The following FOCAD variants were observed in gnomAD, a reference collection of about 807,000 sequenced individuals.
FOCAD encodes KIAA1797.
Under a neutral mutation model 225.6 loss-of-function variants are expected in FOCAD, and 198 were observed. That is an observed-to-expected ratio of 0.88 (90% CI 0.78 to 0.99). The LOEUF is 0.99. Ranked by LOEUF, FOCAD falls within the 50% of genes least tolerant of loss-of-function variation. The pLI, the probability that FOCAD is intolerant of heterozygous loss-of-function variation, is 0.00. For missense variants in FOCAD, 2,713 were observed against 2,123.6 expected (o/e 1.28, Z -5.46); for synonymous variants, 897 against 755.0 (o/e 1.19, Z -3.08).
At chr9:20,763,948 C>T (rs998933328) in intron 6 of FOCAD, among the ~76,000 whole-genome samples, 1 of 152,094 alleles carries the variant, frequency 6.6e-6, no homozygotes, top group Non-Finnish European at 1.5e-5. Context: ...TTAAGAAGAC[C>T]TTGACAAATT....
intron 1 of FOCAD, among the ~76,000 whole-genome samples, chr9:20,714,391 T>C (rs1825128894): frequency 6.6e-6 from 1 of 152,180 alleles, no homozygotes; most frequent in Non-Finnish European, 1.5e-5. Flanking sequence ...TTTTTCTGCT[T>C]GTTATAAGTT....
chr9:20,995,950 A>G lies in FOCAD; in HGVS notation c.*321A>G, dbSNP rs536778665. On this transcript the variant is annotated 3_prime_UTR_variant, in exon 44 of 44. Coordinates refer to ENST00000338382, the MANE Select transcript of FOCAD (RefSeq NM_001375567.1). Reference sequence around the variant, plus strand: ...AAATTCCAGTAAAATAATGTTGTCAATTTTGTGCGTGTGACTTTTGTTTTA... The same window carrying G: ...AAATTCCAGTAAAATAATGTTGTCAGTTTTGTGCGTGTGACTTTTGTTTTA... 45 of 175,602 alleles carry G rather than the reference A, an allele frequency of 2.6e-4. No individual in the cohort carries two copies. Among genetic ancestry groups the G allele is most frequent in the Middle Eastern group, 2.3e-3 (1 of 432 alleles). The allele number at this position is 175,602 out of a possible 1,614,324, so 10.9% of individuals were successfully genotyped here.
intron 4 of FOCAD, among the ~76,000 whole-genome samples, chr9:20,723,575 G>A (rs1200428950): frequency 6.6e-6 from 1 of 152,170 alleles, no homozygotes; most frequent in Non-Finnish European, 1.5e-5. Flanking sequence ...TCCTATCCCA[G>A]TATCTGTGTT....
intron 30 of FOCAD, among the ~76,000 whole-genome samples, chr9:20,947,844 T>C (rs1837326551): frequency 1.3e-5 from 2 of 152,156 alleles, no homozygotes; most frequent in Admixed American, 6.5e-5. Context: ...ACCCGCTCAC[T>C]TACATTCAGA....
chr9:20,727,591 C>T (rs917842696), intron 4 of FOCAD, among the ~76,000 whole-genome samples: 2 of 151,886 alleles, frequency 1.3e-5, no homozygotes, highest in African/African-American at 4.8e-5. Context: ...TTATTTTGTC[C>T]GTGTCTTCTT....
intron 28 of FOCAD, among the ~76,000 whole-genome samples, chr9:20,940,647 G>T (rs1192245220): frequency 6.6e-6 from 1 of 152,116 alleles, no homozygotes; most frequent in African/African-American, 2.4e-5. Flanking sequence ...ACTGAGCTAG[G>T]CATTTTCACA....
At chr9:20,957,748 C>T (rs1267285266) in intron 35 of FOCAD, 2 of 134,570 alleles carry the variant, frequency 1.5e-5, no homozygotes, top group African/African-American at 5.6e-5. Flanking sequence ...GAACTCCTGG[C>T]CTCAAGTTAT....
intron 31 of FOCAD, 69 bp downstream of exon 31, chr9:20,948,462 T>G: frequency 6.5e-7 from 1 of 1,530,028 alleles, no homozygotes; most frequent in East Asian, 2.3e-5. Context: ...ATTGGATCAT[T>G]TATAGGAGTT....
rs146838180 is a variant in FOCAD at position 20,980,146 on chromosome 9, A to T, written c.4378-1280A>T. 8.6e-3 allele frequency among the ~76,000 whole-genome samples: 1,304 copies of T among 151,536 alleles called. 8 individuals carry two copies. The highest frequency in any genetic ancestry group is 0.015 in the Non-Finnish European group (1,008 of 67,844). On this transcript the variant is annotated intron_variant, in intron 37 of 43. Transcript: ENST00000338382. The stretch of plus-strand genomic sequence containing the variant: ...TTTATATAAATTATATATAAATTTC[A>T]TATAAATTTTTGAAATTCTTTAGAA...
intron 15 of FOCAD, among the ~76,000 whole-genome samples, chr9:20,860,843 G>GT (rs1183729406): frequency 6.6e-6 from 1 of 152,128 alleles, no homozygotes; most frequent in African/African-American, 2.4e-5. Context: ...CTTTTAAATT[G>GT]TTTTGTATTT....
intron 26 of FOCAD, among the ~76,000 whole-genome samples, chr9:20,928,211 C>T (rs1835140947): frequency 6.6e-6 from 1 of 152,108 alleles, no homozygotes; most frequent in African/African-American, 2.4e-5. Context: ...CTTTACTAGT[C>T]AGCTCTGATT....
chr9:20,815,123 G>GGTTTTTTT (rs796702774), intron 11 of FOCAD, among the ~76,000 whole-genome samples: 1,014 of 85,302 alleles, frequency 0.012, 135 homozygotes, highest in African/African-American at 0.036. Context: ...ACTTCTCTTT[G>GGTTTTTTT]TTTTTTTTTT....
At chr9:20,665,194 A>G (rs977429539) in intron 2 of FOCAD, among the ~76,000 whole-genome samples, 6 of 152,208 alleles carry the variant, frequency 3.9e-5, no homozygotes, top group Non-Finnish European at 7.3e-5. Context: ...AAGTTTTATT[A>G]AGACTGAGTC....
intron 4 of FOCAD, among the ~76,000 whole-genome samples, chr9:20,739,716 C>G (rs1827448931): frequency 6.6e-6 from 1 of 151,142 alleles, no homozygotes; most frequent in Non-Finnish European, 1.5e-5. Context: ...GCCTATTTTT[C>G]TTTCTGATAT....
At chr9:20,960,260 G>C (rs1318665188) in intron 35 of FOCAD, among the ~76,000 whole-genome samples, 2 of 152,142 alleles carry the variant, frequency 1.3e-5, no homozygotes. Flanking sequence ...AGTTAGGTGG[G>C]TCACTTTTGG....
chr9:20,823,217 G>T, intron 15 of FOCAD, 102 bp downstream of exon 15: 3 of 1,281,068 alleles, frequency 2.3e-6, no homozygotes, highest in Non-Finnish European at 3.1e-6. Flanking sequence ...TGAAGTCTGA[G>T]TGTTCATTCC....
chr9:20,820,007 C>A, intron 12 of FOCAD, 107 bp downstream of exon 12: 1 of 624,796 alleles, frequency 1.6e-6, no homozygotes, highest in Non-Finnish European at 2.8e-6. Flanking sequence ...GCCATAGTCA[C>A]TACTTCTCTT....
intron 23 of FOCAD, among the ~76,000 whole-genome samples, chr9:20,916,245 C>T (rs1249598205): frequency 6.6e-6 from 1 of 152,078 alleles, no homozygotes; most frequent in African/African-American, 2.4e-5. Context: ...TTGTTTTTTA[C>T]TTCATATTGA....
chr9:20,911,400 G>T (rs867563489), intron 22 of FOCAD, among the ~76,000 whole-genome samples: 1 of 152,120 alleles, frequency 6.6e-6, no homozygotes, highest in African/African-American at 2.4e-5. Context: ...ACCTCACAGG[G>T]TGAGCAACTT....
Sources: allele counts gnomAD v4.1 joint callset (sites outside exome capture counted in the v4.1 genomes callset), GRCh38; gene constraint gnomAD v4.1.1; transcripts MANE v1.5; gene names NCBI Gene and HGNC (gene_info 2026-07-23, HGNC 2026-07-21).